The following SDK1 variants were observed in gnomAD, a reference collection of about 807,000 sequenced individuals.
SDK1 encodes sidekick cell adhesion molecule 1, also known as protein sidekick-1.
A neutral mutation model predicts 245.5 loss-of-function variants in SDK1; 157 were observed. That is an observed-to-expected ratio of 0.64 (90% CI 0.56 to 0.73). SDK1 has a LOEUF of 0.73. Among genes scored for constraint, SDK1 ranks in the 30% least tolerant of loss-of-function variants. SDK1 has a pLI of 0.00. For missense variants in SDK1, 3,583 were observed against 3,002.3 expected, an observed-to-expected ratio of 1.19 and a Z score of -4.52; for synonymous variants, 1,647 against 1,278.5, an observed-to-expected ratio of 1.29 and a Z score of -6.15.
chr7:3,546,865 C>A (rs918374658), intron 1 of SDK1, among the ~76,000 whole-genome samples: 2 of 152,120 alleles, frequency 1.3e-5, no homozygotes, highest in Non-Finnish European at 2.9e-5. Flanking sequence ...GTTTAAAGTT[C>A]CTCATTTTGC....
At chr7:4,040,539 G>C (rs1460504923) in intron 17 of SDK1, among the ~76,000 whole-genome samples, 2 of 152,182 alleles carry the variant, frequency 1.3e-5, no homozygotes, top group East Asian at 1.9e-4. Context: ...AGAGAGAAGA[G>C]CTCTCTCCTG....
chr7:3,964,122 T>C (rs142325815), intron 9 of SDK1, among the ~76,000 whole-genome samples: 1 of 152,212 alleles, frequency 6.6e-6, no homozygotes, highest in Non-Finnish European at 1.5e-5. Context: ...ATTTGCTCCA[T>C]GTACTACACA....
intron 1 of SDK1, among the ~76,000 whole-genome samples, chr7:3,592,475 T>C (rs1351288582): frequency 2.6e-5 from 4 of 152,236 alleles, no homozygotes; most frequent in African/African-American, 9.6e-5. Flanking sequence ...CACTGCCCTT[T>C]TCTTTCTCTC....
intron 11 of SDK1, among the ~76,000 whole-genome samples, chr7:3,969,936 C>G (rs976410781): frequency 2.6e-5 from 4 of 152,204 alleles, no homozygotes; most frequent in South Asian, 2.1e-4. Flanking sequence ...TACTAACTAT[C>G]AATGTTTCTT....
At chr7:3,473,677 AT>A (rs10715062) in intron 1 of SDK1, among the ~76,000 whole-genome samples, 62,293 of 149,758 alleles carry the variant, frequency 0.42, 13,429 homozygotes, top group South Asian at 0.53. Flanking sequence ...ATCTTGAATT[AT>A]TTTTTTTTTT....
intron 5 of SDK1, among the ~76,000 whole-genome samples, chr7:3,891,506 C>T (rs1583518779): frequency 1.3e-5 from 2 of 152,198 alleles, no homozygotes; most frequent in African/African-American, 2.4e-5. Flanking sequence ...GTGTAGTTAT[C>T]GATTTGTCCC....
At chr7:3,723,890 A>ATATG (rs1778916373) in intron 4 of SDK1, among the ~76,000 whole-genome samples, 2 of 138,006 alleles carry the variant, frequency 1.4e-5, no homozygotes, top group South Asian at 4.4e-4. Flanking sequence ...ATATATATAT[A>ATATG]CACGTGTATA....
At chr7:4,062,098 A>G (rs917083106) in intron 19 of SDK1, among the ~76,000 whole-genome samples, 2 of 151,924 alleles carry the variant, frequency 1.3e-5, no homozygotes, top group Non-Finnish European at 2.9e-5. Context: ...TAACCTGCAC[A>G]TTGTGCACAT....
chr7:3,786,334 C>T (rs911391516), intron 4 of SDK1, among the ~76,000 whole-genome samples: 4 of 152,146 alleles, frequency 2.6e-5, no homozygotes, highest in African/African-American at 9.7e-5. Flanking sequence ...TGAATCCTCA[C>T]CCTAGAGTAG....
At chr7:3,856,844 T>C (rs1043356831) in intron 5 of SDK1, among the ~76,000 whole-genome samples, 16 of 152,306 alleles carry the variant, frequency 1.1e-4, no homozygotes, top group African/African-American at 3.4e-4. Context: ...TTTAATTGCA[T>C]AGTATGAAAA....
At chr7:4,111,226 C>T (rs895678118) in intron 23 of SDK1, among the ~76,000 whole-genome samples, 2 of 152,174 alleles carry the variant, frequency 1.3e-5, no homozygotes, top group Non-Finnish European at 2.9e-5. Flanking sequence ...ATTAACATGC[C>T]ATTTAACCTT....
chr7:3,359,784 T>C (rs1780904064), intron 1 of SDK1, among the ~76,000 whole-genome samples: 1 of 152,124 alleles, frequency 6.6e-6, no homozygotes, highest in Non-Finnish European at 1.5e-5. Flanking sequence ...CTTTGGGGGA[T>C]GTGACATTCC....
At chr7:4,200,043 C>A (rs370138916) in intron 35 of SDK1, among the ~76,000 whole-genome samples, 1 of 152,110 alleles carries the variant, frequency 6.6e-6, no homozygotes, top group Non-Finnish European at 1.5e-5. Flanking sequence ...TGCAGTGAGC[C>A]GAGACTGTGC....
intron 22 of SDK1, among the ~76,000 whole-genome samples, chr7:4,088,172 A>G (rs1781547584): frequency 6.6e-6 from 1 of 152,314 alleles, no homozygotes; most frequent in Non-Finnish European, 1.5e-5. Context: ...AGCCTGGTGT[A>G]TTGGTGTTAC....
At chr7:3,895,028 C>G (rs1226914764) in intron 5 of SDK1, among the ~76,000 whole-genome samples, 3 of 152,136 alleles carry the variant, frequency 2.0e-5, no homozygotes, top group African/African-American at 7.2e-5. Context: ...CTCTAATGTA[C>G]ATTTTACTGA....
chr7:3,825,467 C>G (rs1057231119), intron 5 of SDK1, among the ~76,000 whole-genome samples: 11 of 152,102 alleles, frequency 7.2e-5, no homozygotes, highest in Admixed American at 7.2e-4. Context: ...ATGAGATTCT[C>G]TACTAGGGAT....
chr7:3,769,194 C>A (rs1392075508), intron 4 of SDK1, among the ~76,000 whole-genome samples: 1 of 152,128 alleles, frequency 6.6e-6, no homozygotes. Context: ...TTGTCCATTT[C>A]CTGTTGCTTA....
At chr7:4,127,904 C>T (rs1319254154) in intron 26 of SDK1, among the ~76,000 whole-genome samples, 1 of 152,228 alleles carries the variant, frequency 6.6e-6, no homozygotes, top group East Asian at 1.9e-4. Flanking sequence ...GTCTTTTACA[C>T]AGCACGCCTT....
intron 20 of SDK1, among the ~76,000 whole-genome samples, chr7:4,070,710 A>ATTT (rs60441124): frequency 2.1e-5 from 3 of 143,888 alleles, no homozygotes; most frequent in Non-Finnish European, 1.5e-5. Context: ...CACCTCTCAA[A>ATTT]TTTTTTTTTT....
Sources: allele counts gnomAD v4.1 joint callset (sites outside exome capture counted in the v4.1 genomes callset), GRCh38; gene constraint gnomAD v4.1.1; transcripts MANE v1.5; gene names NCBI Gene and HGNC (gene_info 2026-07-23, HGNC 2026-07-21).